The following NCAM1 variants were observed in gnomAD, a reference collection of about 807,000 sequenced individuals.
The protein encoded by NCAM1 is antigen recognized by monoclonal antibody 5.1H11.
Under a neutral mutation model 109.8 loss-of-function variants are expected in NCAM1, and 14 were observed. The observed-to-expected ratio is 0.13, with a 90% confidence interval of 0.08 to 0.20. The LOEUF is 0.20. NCAM1 is among the 10% of genes least tolerant of loss of function. The probability of loss-of-function intolerance (pLI) is 1.00; values close to 1 mark genes in which losing one functional copy is unlikely to be tolerated. For synonymous variants in NCAM1, 418 were observed against 442.9 expected (o/e 0.94, Z 0.70); for missense variants, 774 against 1,109.9 (o/e 0.70, Z 4.30).
chr11:113,013,832 T>C (rs1255248683), intron 1 of NCAM1, among the ~76,000 whole-genome samples: 1 of 152,240 alleles, frequency 6.6e-6, no homozygotes, highest in Non-Finnish European at 1.5e-5. Flanking sequence ...TTTATCTATA[T>C]TTATAAAAAT....
At chr11:113,259,839 G>T (rs1259546805) in intron 16 of NCAM1, among the ~76,000 whole-genome samples, 1 of 151,882 alleles carries the variant, frequency 6.6e-6, no homozygotes, top group Admixed American at 6.6e-5. Flanking sequence ...GAGTAGCTGG[G>T]ACTACAGGTG....
intron 1 of NCAM1, among the ~76,000 whole-genome samples, chr11:113,117,753 A>G (rs2136004255): frequency 2.0e-5 from 3 of 152,192 alleles, no homozygotes; most frequent in East Asian, 3.9e-4. Flanking sequence ...TTAGCCTTTT[A>G]GTTTAAAGCC....
intron 1 of NCAM1, among the ~76,000 whole-genome samples, chr11:113,052,862 C>A (rs782138215): frequency 2.0e-5 from 3 of 152,160 alleles, no homozygotes; most frequent in Non-Finnish European, 4.4e-5. Context: ...CCACCCACCC[C>A]CCGACAGGGC....
At chr11:113,124,946 A>G (rs1368651127) in intron 1 of NCAM1, among the ~76,000 whole-genome samples, 2 of 152,222 alleles carry the variant, frequency 1.3e-5, no homozygotes, top group East Asian at 1.9e-4. Context: ...GCCTGAATGT[A>G]TACCATTAGC....
chr11:113,067,392 G>A (rs2135533922), intron 1 of NCAM1, among the ~76,000 whole-genome samples: 1 of 152,326 alleles, frequency 6.6e-6, no homozygotes, highest in East Asian at 1.9e-4. Flanking sequence ...CACATAAGCA[G>A]ACACGGATAT....
intron 1 of NCAM1, among the ~76,000 whole-genome samples, chr11:112,971,954 TA>T (rs1555066875): frequency 6.6e-6 from 1 of 152,208 alleles, no homozygotes; most frequent in African/African-American, 2.4e-5. Context: ...GACACACTTG[TA>T]ATGACTTTGG....
At chr11:113,213,181 T>C (rs1231745663) in intron 7 of NCAM1, among the ~76,000 whole-genome samples, 1 of 152,242 alleles carries the variant, frequency 6.6e-6, no homozygotes, top group Admixed American at 6.5e-5. Context: ...TGAATTTGAA[T>C]ATAAAGCACA....
chr11:113,066,844 C>T (rs117157106), intron 1 of NCAM1, among the ~76,000 whole-genome samples: 7,750 of 151,468 alleles, frequency 0.051, 588 homozygotes, highest in Admixed American at 0.16. Context: ...ACTAAAAATA[C>T]GAAAAAGAAA....
At chr11:113,128,906 G>GGGGT (rs1258426868) in intron 1 of NCAM1, among the ~76,000 whole-genome samples, 11 of 84,932 alleles carry the variant, frequency 1.3e-4, no homozygotes, top group South Asian at 4.6e-4. Flanking sequence ...AAGTTGTGAG[G>GGGGT]GTGTGTGTGT....
intron 1 of NCAM1, among the ~76,000 whole-genome samples, chr11:113,158,195 T>C (rs564602364): frequency 1.3e-5 from 2 of 152,334 alleles, no homozygotes; most frequent in South Asian, 4.1e-4. Context: ...GATATGAGTT[T>C]CCAAAAAGCA....
chr11:113,208,294 C>T (rs1944297172), intron 7 of NCAM1, among the ~76,000 whole-genome samples: 1 of 152,154 alleles, frequency 6.6e-6, no homozygotes, highest in Non-Finnish European at 1.5e-5. Context: ...TTGAAAGCCT[C>T]CAGTGGCTCC....
intron 9 of NCAM1, chr11:113,231,355 T>G: frequency 6.8e-7 from 1 of 1,467,256 alleles, no homozygotes; most frequent in Non-Finnish European, 9.2e-7. Context: ...CAAAGTCATC[T>G]TGGGGGACCT....
At chr11:112,979,228 G>GAAAA (rs150408197) in intron 1 of NCAM1, among the ~76,000 whole-genome samples, 4 of 146,804 alleles carry the variant, frequency 2.7e-5, no homozygotes, top group East Asian at 2.0e-4. Flanking sequence ...GAACAAAAAA[G>GAAAA]AAAAAAAAAC....
At chr11:113,038,794 A>G (rs782078622) in intron 1 of NCAM1, among the ~76,000 whole-genome samples, 7 of 152,162 alleles carry the variant, frequency 4.6e-5, no homozygotes, top group Non-Finnish European at 8.8e-5. Context: ...TGCTTCTGCC[A>G]TTTCTTGCCC....
chr11:113,044,435 A>G (rs61902817), intron 1 of NCAM1, among the ~76,000 whole-genome samples: 19,186 of 152,096 alleles, frequency 0.13, 1,393 homozygotes, highest in South Asian at 0.25. Flanking sequence ...CTGCAATCCC[A>G]GCACTTTGGG....
Position 113,270,539 on chromosome 11 carries a change from T to C in NCAM1, c.2339+144T>C, listed in dbSNP as rs1005810936. The C allele has an allele frequency of 1.3e-4, 102 of 761,972 alleles. No individual in the cohort carries two copies. The Middle Eastern group carries it at 1.7e-3, about 12-fold the overall frequency. 47.2% of individuals were successfully genotyped at this position (761,972 alleles called of 1,614,324 possible). A position where few individuals can be genotyped will look rare whatever the true frequency, so the allele number is the denominator to read the frequency against. On this transcript the variant is annotated intron_variant, in intron 18 of 19. Transcript: ENST00000316851. ...TTGGAACCCTGATGGGGGAAAAACATTAGAGAAAAGTTTCTCAAAGCATGG... is the reference window on the plus strand; with the variant it reads ...TTGGAACCCTGATGGGGGAAAAACACTAGAGAAAAGTTTCTCAAAGCATGG...
Position 113,233,041 on chromosome 11 carries a change from T to G in NCAM1, c.1523-106T>G. The G allele has an allele frequency of 1.7e-6, 2 of 1,209,754 alleles. No homozygotes were observed. The highest frequency in any genetic ancestry group is 2.3e-6 in the Non-Finnish European group (2 of 859,320). The allele number at this position is 1,209,754 out of a possible 1,614,324, so 74.9% of individuals were successfully genotyped here. Reference sequence around the variant, plus strand: ...AGGAGGACAGGATACAGTGACAGGATTCCCAAGAGTGAGCAGAAATGACAG... The same window carrying G: ...AGGAGGACAGGATACAGTGACAGGAGTCCCAAGAGTGAGCAGAAATGACAG... On this transcript the variant is annotated intron_variant, in intron 12 of 19. Transcript: ENST00000316851. The surrounding 1 kb of genome is among the most constrained non-coding windows in gnomAD (Gnocchi z 4.5).
intron 1 of NCAM1, among the ~76,000 whole-genome samples, chr11:113,168,227 T>G (rs1180705764): frequency 6.6e-6 from 1 of 152,216 alleles, no homozygotes; most frequent in Admixed American, 6.5e-5. Context: ...CTGTCTGTAT[T>G]CTGAGAACTA....
intron 1 of NCAM1, among the ~76,000 whole-genome samples, chr11:113,098,635 G>A (rs1415464968): frequency 1.3e-5 from 2 of 152,092 alleles, no homozygotes; most frequent in South Asian, 2.1e-4. Flanking sequence ...CCAGGGGCAG[G>A]GGAAGAGGCC....
Sources: gnomAD v4.1 joint callset for allele counts (sites outside exome capture counted in the v4.1 genomes callset) on GRCh38, gnomAD v4.1.1 for gene constraint, Gnocchi (gnomAD v3.1) non-coding constraint, MANE v1.5 for transcripts, NCBI Gene and HGNC (gene_info 2026-07-23, HGNC 2026-07-21) for gene names.